IL1RAP: variants seen among roughly 807,000 people sequenced by gnomAD.
IL1RAP encodes the protein interleukin 1 receptor accessory protein, also known as interleukin-1 receptor accessory protein.
A neutral mutation model predicts 60.7 loss-of-function variants in IL1RAP; 35 were observed. The ratio of observed to expected loss-of-function variants is 0.58; its 90% CI spans 0.44 to 0.76. The LOEUF (loss-of-function observed/expected upper bound fraction) is 0.76, where lower values mean the gene tolerates loss of function less well. Among genes scored for constraint, IL1RAP ranks in the 30% least tolerant of loss-of-function variants. The pLI is 0.00. For synonymous variants in IL1RAP, 268 were observed against 250.9 expected, an observed-to-expected ratio of 1.07 and a Z score of -0.64; for missense variants, 572 against 693.9, an observed-to-expected ratio of 0.82 and a Z score of 1.97.
At chr3:190,638,392 T>C (rs1733391667) in intron 9 of IL1RAP, among the ~76,000 whole-genome samples, 4 of 152,214 alleles carry the variant, frequency 2.6e-5, no homozygotes, top group Admixed American at 2.6e-4. Flanking sequence ...CCTCATGTGC[T>C]TATTGGCCAT....
Position 190,536,063 on chromosome 3 carries a change from G to A in IL1RAP, c.-88-20067G>A, listed in dbSNP as rs558353085. ...CTATTGAAATACGTAAGACTCTAACGTGAAATGGCCCCAGACCCCCATATT... is the reference window on the plus strand; with the variant it reads ...CTATTGAAATACGTAAGACTCTAACATGAAATGGCCCCAGACCCCCATATT... On this transcript the variant is annotated intron_variant, in intron 1 of 11. Transcript: ENST00000447382. Among the ~76,000 whole-genome samples the A allele has an allele frequency of 1.3e-4, 20 of 152,146 alleles. 1 individual carries two copies. Among genetic ancestry groups the A allele is most frequent in the Non-Finnish European group, 2.4e-4 (16 of 67,998 alleles).
intron 3 of IL1RAP, among the ~76,000 whole-genome samples, chr3:190,595,879 C>G (rs1239928134): frequency 6.6e-6 from 1 of 152,166 alleles, no homozygotes; most frequent in Admixed American, 6.5e-5. Context: ...TCAGTTAACT[C>G]TATTTCTATG....
chr3:190,570,254 T>C (rs1053248159), intron 3 of IL1RAP, among the ~76,000 whole-genome samples: 1 of 152,246 alleles, frequency 6.6e-6, no homozygotes, highest in Non-Finnish European at 1.5e-5. Context: ...AAAGCTGATG[T>C]ACAAAATTTT....
At chr3:190,541,255 A>G (rs1723912768) in intron 1 of IL1RAP, among the ~76,000 whole-genome samples, 1 of 152,130 alleles carries the variant, frequency 6.6e-6, no homozygotes, top group African/African-American at 2.4e-5. Flanking sequence ...AGGCATTTCT[A>G]GGTCACAAAG....
chr3:190,566,814 C>T (rs568763212), intron 3 of IL1RAP, among the ~76,000 whole-genome samples: 4 of 152,118 alleles, frequency 2.6e-5, no homozygotes, highest in Non-Finnish European at 5.9e-5. Context: ...GAAATCATTG[C>T]GCATCTTGAG....
intron 5 of IL1RAP, among the ~76,000 whole-genome samples, chr3:190,616,605 GAATGCAAAAACTTC>G (rs750449874): frequency 1.3e-5 from 2 of 152,218 alleles, no homozygotes; most frequent in Admixed American, 6.5e-5. Context: ...ACTTTATCTT[GAATGCAAAAACTTC>G]AGTAGATACT....
At chr3:190,560,040 CA>C (rs1347835246) in intron 2 of IL1RAP, among the ~76,000 whole-genome samples, 1 of 152,168 alleles carries the variant, frequency 6.6e-6, no homozygotes, top group Non-Finnish European at 1.5e-5. Context: ...GTAAACTCCA[CA>C]AAAGACTGAT....
intron 3 of IL1RAP, among the ~76,000 whole-genome samples, chr3:190,572,738 C>T (rs942569493): frequency 1.3e-5 from 2 of 151,788 alleles, no homozygotes; most frequent in South Asian, 2.1e-4. Flanking sequence ...TACTCTTTCC[C>T]TCCTTCCGAG....
chr3:190,612,942 G>A (rs887352019), intron 5 of IL1RAP, among the ~76,000 whole-genome samples: 4 of 152,046 alleles, frequency 2.6e-5, no homozygotes, highest in African/African-American at 9.7e-5. Context: ...ACTGTGATCA[G>A]TGCAATATGC....
intron 1 of IL1RAP, among the ~76,000 whole-genome samples, chr3:190,549,575 C>G (rs764506059): frequency 8.5e-5 from 13 of 152,126 alleles, no homozygotes; most frequent in Non-Finnish European, 1.6e-4. Context: ...TTAAATGAAA[C>G]AAGTCGGGGG....
intron 1 of IL1RAP, among the ~76,000 whole-genome samples, chr3:190,549,285 T>C (rs1271528440): frequency 6.6e-6 from 1 of 152,140 alleles, no homozygotes; most frequent in Non-Finnish European, 1.5e-5. Flanking sequence ...AGAGGTTCTC[T>C]AGGGACCCCT....
At chr3:190,550,661 A>G (rs1724786605) in intron 1 of IL1RAP, among the ~76,000 whole-genome samples, 1 of 152,252 alleles carries the variant, frequency 6.6e-6, no homozygotes. Flanking sequence ...GCTCAGAACT[A>G]GAATATTGAT....
chr3:190,639,374 A>G (rs79396920), intron 9 of IL1RAP, among the ~76,000 whole-genome samples: 2,915 of 152,104 alleles, frequency 0.019, 102 homozygotes, highest in African/African-American at 0.067. Flanking sequence ...TTTCCAATGT[A>G]TGCTGGCCAT....
At chr3:190,514,608 A>T (rs1259970262) in intron 1 of IL1RAP, among the ~76,000 whole-genome samples, 1 of 146,256 alleles carries the variant, frequency 6.8e-6, no homozygotes, top group Non-Finnish European at 1.5e-5. Context: ...GGACAGAAGG[A>T]AGCGGTGTGT....
rs536576236 is a variant in IL1RAP, at chr3:190,614,757, A to G, written c.538-5518A>G. 3.3e-5 allele frequency among the ~76,000 whole-genome samples: 5 copies of G among 152,296 alleles called. No individual in the cohort carries two copies. The South Asian group carries it at 1.0e-3, about 32-fold the overall frequency. ...TACTGATGGGAGAGTCTGGGATTTC[A>G]GGCCAGTTCTGTGTGATTACAAAAA... is the stretch of plus-strand genomic sequence containing the variant. On this transcript the variant is annotated intron_variant, in intron 5 of 11. Transcript: ENST00000447382.
At chr3:190,642,671 T>C (rs76052868) in intron 9 of IL1RAP, among the ~76,000 whole-genome samples, 6,791 of 152,286 alleles carry the variant, frequency 0.045, 232 homozygotes, top group Non-Finnish European at 0.059. Flanking sequence ...TACCATGGTT[T>C]ATTTCTCTTA....
At chr3:190,604,015 A>G in intron 3 of IL1RAP, 113 bp from the exon 4 acceptor site, 3 of 1,039,202 alleles carry the variant, frequency 2.9e-6, no homozygotes, top group South Asian at 3.3e-5. Flanking sequence ...GAAGATGACC[A>G]GAGAAAGAGG....
chr3:190,522,347 TC>T, intron 1 of IL1RAP, among the ~76,000 whole-genome samples: 1 of 147,868 alleles, frequency 6.8e-6, no homozygotes, highest in African/African-American at 2.6e-5. Flanking sequence ...CCTTCCTCCC[TC>T]CCTCCCTTCG....
At chr3:190,540,915 A>AC (rs1723882140) in intron 1 of IL1RAP, among the ~76,000 whole-genome samples, 1 of 152,170 alleles carries the variant, frequency 6.6e-6, no homozygotes. Flanking sequence ...ATAAACAATA[A>AC]CTTGTCCTCA....
Sources: allele counts gnomAD v4.1 joint callset (sites outside exome capture counted in the v4.1 genomes callset), GRCh38; gene constraint gnomAD v4.1.1; transcripts MANE v1.5; gene names NCBI Gene and HGNC (gene_info 2026-07-23, HGNC 2026-07-21).